AKAP9: variants seen among roughly 807,000 people sequenced by gnomAD.
AKAP9 encodes A-kinase anchoring protein 9.
AKAP9 carries 311 observed loss-of-function variants against 488.5 expected under a neutral mutation model. The ratio of observed to expected loss-of-function variants is 0.64; its 90% CI spans 0.58 to 0.70. The LOEUF (loss-of-function observed/expected upper bound fraction) is 0.70. Ranked by LOEUF, AKAP9 falls within the 30% of genes least tolerant of loss-of-function variation. The pLI is 0.00. For synonymous variants in AKAP9, 1,462 were observed against 1,483.5 expected, an observed-to-expected ratio of 0.99 and a Z score of 0.33; for missense variants, 4,215 against 4,374.5, an observed-to-expected ratio of 0.96 and a Z score of 1.03.
intron 3 of AKAP9, among the ~76,000 whole-genome samples, chr7:91,987,064 T>C (rs1417497123): frequency 1.3e-5 from 2 of 152,126 alleles, no homozygotes; most frequent in Non-Finnish European, 2.9e-5. Flanking sequence ...AAAAACTAAA[T>C]TGATGAGCTA....
At chr7:91,970,869 A>G (rs1794993500) in intron 1 of AKAP9, among the ~76,000 whole-genome samples, 1 of 152,270 alleles carries the variant, frequency 6.6e-6, no homozygotes, top group African/African-American at 2.4e-5. Flanking sequence ...TAACGTTCCT[A>G]TACCTGGATA....
In AKAP9 at chr7:92,070,897, A is replaced by G. The variant is rs781339502; in HGVS notation, c.6508-8A>G. On this transcript the variant is annotated splice_region_variant and splice_polypyrimidine_tract_variant and intron_variant, in intron 27 of 49. Coordinates refer to ENST00000356239, the MANE Select transcript of AKAP9 (RefSeq NM_005751.5). ...TCAAATTTTGAGAAAATTTTTATAT[A>G]TTTAAAGGTAGAGGACCGAAAACAC... The G allele has an allele frequency of 5.0e-6, 8 of 1,596,148 alleles. No homozygotes were observed. Among genetic ancestry groups the G allele is most frequent in the South Asian group, 2.2e-5 (2 of 89,118 alleles).
rs1484756808 is a variant in AKAP9, at chr7:92,034,505, T to A, written c.4338+2901T>A. ...CTATATATATATATATATATTTTTTTTTTTTTTTTTTTTTGAGATGGAGTT... is the reference window on the plus strand; with the variant it reads ...CTATATATATATATATATATTTTTTATTTTTTTTTTTTTTGAGATGGAGTT... On this transcript the variant is annotated intron_variant, in intron 16 of 49. Transcript: ENST00000356239. Among the ~76,000 whole-genome samples the A allele has an allele frequency of 5.6e-3, 710 of 126,110 alleles. 7 individuals are homozygous for A. The highest frequency in any genetic ancestry group is 0.018 in the South Asian group (68 of 3,742). 82.7% of individuals were successfully genotyped at this position (126,110 alleles called of 152,430 possible). A position where few individuals can be genotyped will look rare whatever the true frequency, so the allele number is the denominator to read the frequency against.
At position 92,003,084 on chromosome 7, in the gene AKAP9, T is replaced by C. The variant is rs780091684; in HGVS notation, c.3167T>C (p.Phe1056Ser). The change falls in exon 8 of 50, where the codon TTT becomes TCT. Residue 1056 changes from phenylalanine to serine, a missense_variant. Transcript: ENST00000356239. ...ATAATGGTGGAAGATAAAGTTTCTTTTGAAAATATGACTGTTGGAGAAGAA... is the reference window on the plus strand; with the variant it reads ...ATAATGGTGGAAGATAAAGTTTCTTCTGAAAATATGACTGTTGGAGAAGAA... ...SKIMVEDKVSFENMTVGEESK... is the reference protein window; with the variant it reads ...SKIMVEDKVSSENMTVGEESK... 1.2e-6 allele frequency: 2 copies of C among 1,612,772 alleles called. No individual in the cohort carries two copies. The highest frequency in any genetic ancestry group is 1.7e-6 in the Non-Finnish European group (2 of 1,179,400).
chr7:92,040,972 A>G, intron 18 of AKAP9, 74 bp downstream of exon 18: 11 of 1,253,074 alleles, frequency 8.8e-6, no homozygotes, highest in African/African-American at 1.5e-5. Context: ...CAGATCCCCA[A>G]TTAAAACAAC....
At chr7:92,042,011 A>G (rs771465768) in intron 18 of AKAP9, 35 bp from the exon 19 acceptor site, 5 of 1,609,468 alleles carry the variant, frequency 3.1e-6, no homozygotes, top group Admixed American at 3.3e-5. Context: ...CTCTATCACA[A>G]ACAGTATTCT....
At position 91,987,116 on chromosome 7, in the gene AKAP9, GA is replaced by G. The variant is rs917980561; in HGVS notation, c.352-5036del. On this transcript the variant is annotated intron_variant, in intron 3 of 49. Coordinates refer to ENST00000356239, the MANE Select transcript of AKAP9 (RefSeq NM_005751.5). ...AAACAGTGATTTAGAAGATTACATTGAAAAAAGATAATTATGAGCCAGGCAC... is the reference window on the plus strand; with the variant it reads ...AAACAGTGATTTAGAAGATTACATTGAAAAAGATAATTATGAGCCAGGCAC... Among the ~76,000 whole-genome samples the G allele has an allele frequency of 1.2e-4, 18 of 152,030 alleles. 1 individual carries two copies. The highest frequency in any genetic ancestry group is 3.9e-4 in the African/African-American group (16 of 41,486).
Position 92,029,929 on chromosome 7 carries a change from G to A in AKAP9, c.4183G>A (p.Asp1395Asn). The change falls in exon 15 of 50, where the codon GAT becomes AAT. Residue 1395 changes from aspartate (D) to asparagine (N), a missense_variant. Coordinates refer to ENST00000356239, the MANE Select transcript of AKAP9 (RefSeq NM_005751.5). ...PVDSVVITES[D>N]AQRTMYPGSC... Reference sequence around the variant, plus strand: ...TGATTCGGTGGTAATTACAGAATCTGATGCACAGAGAACAATGTACCCTGG... The same window carrying A: ...TGATTCGGTGGTAATTACAGAATCTAATGCACAGAGAACAATGTACCCTGG... 6.2e-7 allele frequency: 1 copy of A among 1,613,148 alleles called. No homozygotes were observed. The highest frequency in any genetic ancestry group is 1.3e-5 in the African/African-American group (1 of 74,942).
Position 92,080,043 on chromosome 7 carries a change from TAGAAAA to T in AKAP9, c.7917_7922del (p.Glu2640_Lys2641del). On this transcript the variant is annotated inframe_deletion, in exon 31 of 50. Transcript: ENST00000356239. ...GTAGAAATTGCAGAAAAAAATGTTTTAGAAAAAGAAAAGAAGCTGCTAGAACTACAG... is the reference window on the plus strand; with the variant it reads ...GTAGAAATTGCAGAAAAAAATGTTTTAGAAAAGAAGCTGCTAGAACTACAG... 6.4e-7 allele frequency: 1 copy of T among 1,563,308 alleles called. No individual in the cohort carries two copies. The highest frequency in any genetic ancestry group is 2.2e-5 in the East Asian group (1 of 44,454).
chr7:92,081,497 A>ATATATT (rs1370452281), intron 31 of AKAP9, among the ~76,000 whole-genome samples: 12 of 85,378 alleles, frequency 1.4e-4, no homozygotes, highest in African/African-American at 3.6e-4. Context: ...ATATATATAT[A>ATATATT]TTTTTTTTTT....
At chr7:91,970,191 GA>G (rs368972588) in intron 1 of AKAP9, among the ~76,000 whole-genome samples, 17 of 150,362 alleles carry the variant, frequency 1.1e-4, no homozygotes, top group South Asian at 2.1e-4. Flanking sequence ...GGAAACAAAA[GA>G]AAAAAAAACC....
chr7:91,960,849 T>C (rs764864267), intron 1 of AKAP9, among the ~76,000 whole-genome samples: 22 of 152,194 alleles, frequency 1.4e-4, no homozygotes, highest in Non-Finnish European at 2.6e-4. Flanking sequence ...GGTAAAACTC[T>C]ACAACCACAT....
Position 92,033,788 on chromosome 7 carries a change from A to C in AKAP9, c.4338+2184A>C, listed in dbSNP as rs187680236. Among the ~76,000 whole-genome samples, 579 of 152,288 alleles carry C rather than the reference A, an allele frequency of 3.8e-3. 2 individuals carry two copies. The highest frequency in any genetic ancestry group is 6.3e-3 in the Non-Finnish European group (429 of 68,026). ...GGCTATATAGAAGAAGCCCAATAGT[A>C]GTGATTTCCAGTATATATCATATTA... On this transcript the variant is annotated intron_variant, in intron 16 of 49. Coordinates refer to ENST00000356239, the MANE Select transcript of AKAP9 (RefSeq NM_005751.5).
chr7:92,096,341 T>TTG (rs576826422), intron 40 of AKAP9, among the ~76,000 whole-genome samples: 2,145 of 150,882 alleles, frequency 0.014, 47 homozygotes, highest in African/African-American at 0.05. Context: ...TTTGTTTTTT[T>TTG]TTTTTTTTTT....
intron 5 of AKAP9, 138 bp downstream of exon 5, chr7:91,993,193 T>C: frequency 1.0e-5 from 9 of 865,170 alleles, no homozygotes; most frequent in South Asian, 3.6e-5. Flanking sequence ...TTCTTCTTCT[T>C]CTTTTTTTTT....
chr7:91,941,880 G>GTTT (rs1350423619), intron 1 of AKAP9, among the ~76,000 whole-genome samples: 9 of 130,914 alleles, frequency 6.9e-5, no homozygotes, highest in Non-Finnish European at 1.3e-4. Flanking sequence ...GGCGAATCCT[G>GTTT]GTTGTGTGTG....
chr7:91,946,274 CT>C (rs1162289859), intron 1 of AKAP9, among the ~76,000 whole-genome samples: 4 of 152,142 alleles, frequency 2.6e-5, no homozygotes, highest in African/African-American at 9.7e-5. Flanking sequence ...GTTTTTCATA[CT>C]TAGATGTGGC....
At chr7:91,958,424 C>T (rs1284790414) in intron 1 of AKAP9, among the ~76,000 whole-genome samples, 4 of 151,962 alleles carry the variant, frequency 2.6e-5, no homozygotes, top group Admixed American at 2.0e-4. Flanking sequence ...TAATAATATA[C>T]TTAGGGTAGA....
In AKAP9 at chr7:92,001,407, A is replaced by T. The variant is rs1250373502; in HGVS notation, c.1490A>T (p.Glu497Val). 1 of 1,613,756 alleles carries T rather than the reference A, an allele frequency of 6.2e-7. No homozygotes were observed. Among genetic ancestry groups the T allele is most frequent in the Non-Finnish European group, 8.5e-7 (1 of 1,179,812 alleles). Residue 497 changes from glutamate (E) to valine (V), a missense_variant, in exon 8 of 50, where the codon GAA becomes GTA. Transcript: ENST00000356239. ...QIKLMNVAIN[E>V]LNIKLQDTNS... is the part of the protein sequence containing the mutation. ...AAGTTAATGAATGTGGCAATAAATG[A>T]ACTGAATATAAAATTGCAAGATACT...
Sources: allele counts gnomAD v4.1 joint callset (sites outside exome capture counted in the v4.1 genomes callset), GRCh38; gene constraint gnomAD v4.1.1; transcripts MANE v1.5; gene names NCBI Gene and HGNC (gene_info 2026-07-23, HGNC 2026-07-21).